The following TFIP11 variants were observed in gnomAD, a reference collection of about 807,000 sequenced individuals.
TFIP11 encodes the protein tuftelin interacting protein 11.
Under a neutral mutation model 96.8 loss-of-function variants are expected in TFIP11, and 86 were observed. The ratio of observed to expected loss-of-function variants is 0.89; its 90% CI spans 0.75 to 1.06. The LOEUF (loss-of-function observed/expected upper bound fraction) is 1.06, where lower values mean the gene tolerates loss of function less well. Among genes scored for constraint, TFIP11 ranks in the 50% least tolerant of loss-of-function variants. TFIP11 has a pLI of 0.00. For missense variants in TFIP11, 881 were observed against 1,076.7 expected, an observed-to-expected ratio of 0.82 and a Z score of 2.54; for synonymous variants, 405 against 395.2, an observed-to-expected ratio of 1.02 and a Z score of -0.29.
intron 3 of TFIP11, 25 bp from the exon 4 acceptor site, chr22:26,510,306 C>A: frequency 1.2e-6 from 2 of 1,610,632 alleles, no homozygotes; most frequent in South Asian, 1.1e-5. Context: ...AAAAAGAGCA[C>A]AGGCCGTAAG....
In TFIP11 at chr22:26,492,016, C is replaced by T. The variant is rs752559901; in HGVS notation, c.2511G>A (p.Lys837=). Residue 837 remains lysine, a synonymous_variant, in exon 15 of 15, where the codon AAG becomes AAA. Transcript: ENST00000407690. ...TSLQSLIDMA[K] is the part of the protein sequence containing the mutation. Reference sequence around the variant, plus strand: ...CTGGTTCTGGACCTGCCACAGTTCACTTGGCCATGTCGATCAGGCTCTGCA... The same window carrying T: ...CTGGTTCTGGACCTGCCACAGTTCATTTGGCCATGTCGATCAGGCTCTGCA... 3 of 1,591,852 alleles carry T rather than the reference C, an allele frequency of 1.9e-6. No homozygotes were observed. The highest frequency in any genetic ancestry group is 2.7e-5 in the African/African-American group (2 of 74,380).
chr22:26,495,908 T>A (rs1043366278), intron 12 of TFIP11, among the ~76,000 whole-genome samples, 165 bp downstream of exon 12: 4 of 152,104 alleles, frequency 2.6e-5, no homozygotes, highest in African/African-American at 9.7e-5. Flanking sequence ...CAAGTTACAT[T>A]TATGTTCAGC....
chr22:26,507,932 C>A (rs1012938919), intron 4 of TFIP11, among the ~76,000 whole-genome samples: 3 of 152,114 alleles, frequency 2.0e-5, no homozygotes, highest in Non-Finnish European at 4.4e-5. Flanking sequence ...ATAGCAAAAT[C>A]CTATCTCTAA....
chr22:26,496,070 T>C lies in TFIP11; in HGVS notation c.1849+3A>G, dbSNP rs1921986653. Reference sequence around the variant, plus strand: ...CTTGGAATGCATTTCCCCTTATCCTTACCCAGCTTGGGCACTATGTTTTTG... The same window carrying C: ...CTTGGAATGCATTTCCCCTTATCCTCACCCAGCTTGGGCACTATGTTTTTG... On this transcript the variant is annotated splice_donor_region_variant and intron_variant, in intron 12 of 14. Transcript: ENST00000407690. 6.2e-7 allele frequency: 1 copy of C among 1,613,392 alleles called. No homozygotes were observed. The highest frequency in any genetic ancestry group is 8.5e-7 in the Non-Finnish European group (1 of 1,179,850).
intron 13 of TFIP11, 65 bp downstream of exon 13, chr22:26,494,732 G>T: frequency 6.2e-7 from 1 of 1,603,290 alleles, no homozygotes. Flanking sequence ...TCAGGCCTTG[G>T]CAGAAAATTA....
chr22:26,507,522 T>A (rs1198786666), intron 4 of TFIP11, among the ~76,000 whole-genome samples: 5 of 150,532 alleles, frequency 3.3e-5, no homozygotes, highest in Non-Finnish European at 5.9e-5. Flanking sequence ...CCTAACTACA[T>A]GGGAAGCTGA....
intron 14 of TFIP11, 82 bp downstream of exon 14, chr22:26,494,057 G>C: frequency 5.2e-6 from 8 of 1,533,638 alleles, no homozygotes; most frequent in Non-Finnish European, 6.2e-6. Context: ...ACAGGAACCA[G>C]AAAACTCTGA....
chr22:26,502,169 T>A (rs188215635), intron 7 of TFIP11, 117 bp from the exon 8 acceptor site: 1 of 1,319,920 alleles, frequency 7.6e-7, no homozygotes, highest in Non-Finnish European at 1.1e-6. Flanking sequence ...ATTTACAAGC[T>A]CTATATGAAG....
At position 26,510,921 on chromosome 22, in the gene TFIP11, G is replaced by A. The variant is rs192695313; in HGVS notation, c.-95-219C>T. On this transcript the variant is annotated intron_variant, in intron 2 of 14. Coordinates refer to ENST00000407690, the MANE Select transcript of TFIP11 (RefSeq NM_012143.4). ...GATTCAGTTGTCTTTCTTAAATTGG[G>A]ATTAACTACCATACCAACCTTAGAG... is the stretch of plus-strand genomic sequence containing the variant. 3.2e-3 allele frequency among the ~76,000 whole-genome samples: 494 copies of A among 152,226 alleles called. 11 individuals are homozygous for A. The highest frequency in any genetic ancestry group is 7.1e-4 in the Non-Finnish European group (48 of 68,022).
chr22:26,506,765 T>C lies in TFIP11; in HGVS notation c.363+10A>G, dbSNP rs1263992699. The C allele has an allele frequency of 4.3e-6, 7 of 1,614,032 alleles. No individual in the cohort carries two copies. The highest frequency in any genetic ancestry group is 2.7e-5 in the African/African-American group (2 of 74,926). On this transcript the variant is annotated intron_variant, in intron 5 of 14. Transcript: ENST00000407690. ...TATTCCTAGGGTCACAATCCTGCAATAGAGACTACCGTTTTTAGCTTCCTT... is the reference window on the plus strand; with the variant it reads ...TATTCCTAGGGTCACAATCCTGCAACAGAGACTACCGTTTTTAGCTTCCTT...
At chr22:26,496,609 G>A (rs1922086405) in intron 11 of TFIP11, 112 bp downstream of exon 11, 1 of 1,373,274 alleles carries the variant, frequency 7.3e-7, no homozygotes, top group Non-Finnish European at 1.0e-6. Flanking sequence ...TAGTTGTGTT[G>A]ACAAATTCCG....
intron 5 of TFIP11, 56 bp downstream of exon 5, chr22:26,506,719 G>A (rs1387471876): frequency 2.5e-6 from 4 of 1,592,260 alleles, no homozygotes; most frequent in Non-Finnish European, 1.7e-6. Context: ...AAATGCTTGG[G>A]CCACAATGAC....
chr22:26,491,373 G>A lies in TFIP11; in HGVS notation c.*640C>T. On this transcript the variant is annotated 3_prime_UTR_variant, in exon 15 of 15. Coordinates refer to ENST00000407690, the MANE Select transcript of TFIP11 (RefSeq NM_012143.4). ...TTGTTATTTTTTTAAAAAGTAAAGT[G>A]GGGATGACAAGTAAAGTGGAAATTT... is the stretch of plus-strand genomic sequence containing the variant. 5 of 1,040,722 alleles carry A rather than the reference G, an allele frequency of 4.8e-6. No individual in the cohort carries two copies. The highest frequency in any genetic ancestry group is 2.3e-5 in the Admixed American group (1 of 44,238). 64.5% of individuals were successfully genotyped at this position (1,040,722 alleles called of 1,614,324 possible).
chr22:26,491,656 C>T lies in TFIP11; in HGVS notation c.*357G>A, dbSNP rs989962802. 2 of 1,611,048 alleles carry T rather than the reference C, an allele frequency of 1.2e-6. No individual in the cohort carries two copies. The highest frequency in any genetic ancestry group is 3.3e-5 in the Admixed American group (2 of 59,994). On this transcript the variant is annotated 3_prime_UTR_variant, in exon 15 of 15. Transcript: ENST00000407690. ...ATCATCAGGAACAAGAGAGAAGATC[C>T]TTCTGCTACTGACTGAACTCGTTGT... is the stretch of plus-strand genomic sequence containing the variant.
intron 3 of TFIP11, 64 bp downstream of exon 3, chr22:26,510,553 C>T (rs988376307): frequency 5.0e-6 from 2 of 397,438 alleles, no homozygotes; most frequent in Non-Finnish European, 9.2e-6. Flanking sequence ...ATAAATATCA[C>T]ACATATTCAC....
chr22:26,497,958 A>C (rs1039235395), intron 10 of TFIP11, among the ~76,000 whole-genome samples: 2 of 152,048 alleles, frequency 1.3e-5, no homozygotes, highest in Non-Finnish European at 2.9e-5. Context: ...AGTTGCAAAT[A>C]TGTGGAACCA....
At chr22:26,494,561 C>G in intron 13 of TFIP11, 1 of 706,170 alleles carries the variant, frequency 1.4e-6, no homozygotes. Flanking sequence ...ATCCCCTACC[C>G]CATAGGGTTG....
At chr22:26,502,214 A>G in intron 7 of TFIP11, 162 bp from the exon 8 acceptor site, 1 of 763,658 alleles carries the variant, frequency 1.3e-6, no homozygotes, top group South Asian at 1.8e-5. Context: ...CACCAAAACT[A>G]TCTAATGATA....
At chr22:26,506,266 C>T (rs780965477) in intron 6 of TFIP11, 37 bp downstream of exon 6, 1 of 1,549,396 alleles carries the variant, frequency 6.5e-7, no homozygotes, top group Non-Finnish European at 8.7e-7. Context: ...CCTATGCCTG[C>T]CCTCCTCCAT....
Sources: allele counts gnomAD v4.1 joint callset (sites outside exome capture counted in the v4.1 genomes callset), GRCh38; gene constraint gnomAD v4.1.1; transcripts MANE v1.5; gene names NCBI Gene and HGNC (gene_info 2026-07-23, HGNC 2026-07-21).